ZNF414: variants seen among roughly 807,000 people sequenced by gnomAD.
The protein encoded by ZNF414 is zinc finger protein 414.
Under a neutral mutation model 38.3 loss-of-function variants are expected in ZNF414, and 32 were observed. The observed-to-expected ratio is 0.83, with a 90% CI of 0.63 to 1.12. ZNF414 has a LOEUF of 1.12. Ranked by LOEUF, ZNF414 falls within the 50% of genes most tolerant of loss-of-function variation. The pLI is 0.00. For synonymous variants in ZNF414, 256 were observed against 248.0 expected (o/e 1.03, Z -0.30); for missense variants, 589 against 557.4 (o/e 1.06, Z -0.57).
chr19:8,511,750 AG>A lies in ZNF414; in HGVS notation c.740del (p.Pro247LeufsTer11), dbSNP rs1309608681. The A allele has an allele frequency of 6.9e-7, 1 of 1,450,148 alleles. No homozygotes were observed. Among genetic ancestry groups the A allele is most frequent in the African/African-American group, 1.5e-5 (1 of 67,710 alleles). The allele number at this position is 1,450,148 out of a possible 1,614,324, so 89.8% of individuals were successfully genotyped here. ...PLLEPFTTPA[P>X]APTGPFLPYL... ...AGGGCAGGAACGGTCCGGTGGGGGC[AG>A]GGGCGGGGGTCGTGAAGGGTTCCAG... On this transcript the variant is annotated frameshift_variant, in exon 5 of 8. Coordinates refer to ENST00000393927, the MANE Select transcript of ZNF414 (RefSeq NM_001146175.2). LOFTEE classifies it high-confidence loss of function.
Position 8,512,649 on chromosome 19 carries a change from C to T in ZNF414, c.379G>A (p.Ala127Thr). Residue 127 changes from alanine (A) to threonine (T), a missense_variant, in exon 3 of 8, where the codon GCA becomes ACA. Coordinates refer to ENST00000393927, the MANE Select transcript of ZNF414 (RefSeq NM_001146175.2). Reference protein sequence around the residue: ...CLSFPSVRDLAQHLRTHCPPT... With the variant: ...CLSFPSVRDLTQHLRTHCPPT... ...GGGCAGTGGGTTCGCAGATGCTGTG[C>T]CAGGTCACGGACGCTGGGAAAACTG... The T allele has an allele frequency of 6.3e-7, 1 of 1,592,044 alleles. No individual in the cohort carries two copies. The highest frequency in any genetic ancestry group is 1.3e-5 in the African/African-American group (1 of 74,794).
chr19:8,511,757 G>T lies in ZNF414; in HGVS notation c.734C>A (p.Pro245His). 1 of 1,447,818 alleles carries T rather than the reference G, an allele frequency of 6.9e-7. No homozygotes were observed. Among genetic ancestry groups the T allele is most frequent in the Non-Finnish European group, 9.0e-7 (1 of 1,108,810 alleles). 89.7% of individuals were successfully genotyped at this position (1,447,818 alleles called of 1,614,324 possible). A position where few individuals can be genotyped will look rare whatever the true frequency, so the allele number is the denominator to read the frequency against. ...GAACGGTCCGGTGGGGGCAGGGGCGGGGGTCGTGAAGGGTTCCAGCAGCGG... is the reference window on the plus strand; with the variant it reads ...GAACGGTCCGGTGGGGGCAGGGGCGTGGGTCGTGAAGGGTTCCAGCAGCGG... ...PFPLLEPFTTPAPAPTGPFLP... is the reference protein window; with the variant it reads ...PFPLLEPFTTHAPAPTGPFLP... Residue 245 changes from proline to histidine, a missense_variant, in exon 5 of 8, where the codon CCC becomes CAC. Physicochemically the swap from Pro to His is moderately conservative, Grantham distance 77. Coordinates refer to ENST00000393927, the MANE Select transcript of ZNF414 (RefSeq NM_001146175.2).
intron 4 of ZNF414, 145 bp from the exon 5 acceptor site, chr19:8,512,105 C>T: frequency 7.1e-7 from 1 of 1,417,890 alleles, no homozygotes; most frequent in Non-Finnish European, 9.2e-7. Context: ...GTGGCAGCGA[C>T]CCTTCCTGAC....
At position 8,512,701 on chromosome 19, in the gene ZNF414, G is replaced by C; in HGVS notation, c.327C>G (p.Ile109Met). The change falls in exon 3 of 8, where the codon ATC becomes ATG. Residue 109 changes from isoleucine to methionine, a missense_variant. Ile to Met is a conservative substitution (Grantham distance 10). Coordinates refer to ENST00000393927, the MANE Select transcript of ZNF414 (RefSeq NM_001146175.2). ...PRRRPPPGKQIPCSSPGCCLS... is the reference protein window; with the variant it reads ...PRRRPPPGKQMPCSSPGCCLS... ...GGCAGCAGCCAGGGCTGGAGCAAGG[G>C]ATTTGCTTCCCTGCAGGACGCACAG... 6.5e-7 allele frequency: 1 copy of C among 1,540,866 alleles called. No individual in the cohort carries two copies. The highest frequency in any genetic ancestry group is 8.7e-7 in the Non-Finnish European group (1 of 1,144,806).
Position 8,511,690 on chromosome 19 carries a change from C to CG in ZNF414, c.800dup (p.Arg268AlafsTer159), listed in dbSNP as rs1230465112. The CG allele has an allele frequency of 2.7e-6, 4 of 1,491,414 alleles. No homozygotes were observed. Among genetic ancestry groups the CG allele is most frequent in the Admixed American group, 2.5e-5 (1 of 39,488 alleles). The allele number at this position is 1,491,414 out of a possible 1,614,324, so 92.4% of individuals were successfully genotyped here. A position where few individuals can be genotyped will look rare whatever the true frequency, so the allele number is the denominator to read the frequency against. ...CAGCGGCCAGGAAGGGGCGCAGGCG[C>CG]GGGGGGCTTAGGCCAAAGGGCGCAG... On this transcript the variant is annotated frameshift_variant, in exon 5 of 8. Transcript: ENST00000393927. LOFTEE classifies it high-confidence loss of function.
chr19:8,511,781 G>T lies in ZNF414; in HGVS notation c.710C>A (p.Pro237Gln), dbSNP rs1482992725. ...GGGGGTCGTGAAGGGTTCCAGCAGCGGGAACGGCAGGCCCGGCGCTGATGC... is the reference window on the plus strand; with the variant it reads ...GGGGGTCGTGAAGGGTTCCAGCAGCTGGAACGGCAGGCCCGGCGCTGATGC... Reference protein sequence around the residue: ...DPASAPGLPFPLLEPFTTPAP... With the variant: ...DPASAPGLPFQLLEPFTTPAP... Residue 237 changes from proline (P) to glutamine (Q), a missense_variant, in exon 5 of 8, where the codon CCG (proline) becomes CAG (glutamine). By Grantham distance (76) the Pro-to-Gln change is moderately conservative (BLOSUM62 -1). Coordinates refer to ENST00000393927, the MANE Select transcript of ZNF414 (RefSeq NM_001146175.2). 1 of 1,421,616 alleles carries T rather than the reference G, an allele frequency of 7.0e-7. No homozygotes were observed. The highest frequency in any genetic ancestry group is 2.7e-5 in the East Asian group (1 of 36,622). 88.1% of individuals were successfully genotyped at this position (1,421,616 alleles called of 1,614,324 possible).
chr19:8,513,290 T>G lies in ZNF414; in HGVS notation c.55A>C (p.Ser19Arg), dbSNP rs774305546. Residue 19 changes from serine (S) to arginine (R), a missense_variant, in exon 2 of 8, where the codon AGC becomes CGC. By Grantham distance (110) the Ser-to-Arg change is moderately radical. Coordinates refer to ENST00000393927, the MANE Select transcript of ZNF414 (RefSeq NM_001146175.2). ...IPDMLATAEP[S>R]SSETDKEVLS... ...ACCTCCTTGTCGGTCTCACTGGAGC[T>G]GGGCTCTGCAGTGGCCAGCATGTCT... 6.3e-7 allele frequency: 1 copy of G among 1,597,008 alleles called. No individual in the cohort carries two copies. The highest frequency in any genetic ancestry group is 1.7e-5 in the Admixed American group (1 of 59,626).
chr19:8,510,784 G>C lies in ZNF414; in HGVS notation c.1100-20C>G. 6.5e-7 allele frequency: 1 copy of C among 1,536,706 alleles called. No homozygotes were observed. The highest frequency in any genetic ancestry group is 8.8e-7 in the Non-Finnish European group (1 of 1,138,496). ...CCGGATCTGGGTGGGGCAGAGGAGGGGGGCGCCTGAGCCTCAGCGCCTTGG... is the reference window on the plus strand; with the variant it reads ...CCGGATCTGGGTGGGGCAGAGGAGGCGGGCGCCTGAGCCTCAGCGCCTTGG... On this transcript the variant is annotated intron_variant, in intron 7 of 7. Coordinates refer to ENST00000393927, the MANE Select transcript of ZNF414 (RefSeq NM_001146175.2).
rs1160289982 is a variant in ZNF414, at chr19:8,513,078, G to A, written c.267C>T (p.Val89=). ...PGPSPGLTSI[V]SGTSEDLRPP... is the part of the protein sequence containing the mutation. ...GCCGCAGGTCCTCGCTGGTCCCGGA[G>A]ACTATGCTGGTCAGGCCAGGGCTGG... The change falls in exon 2 of 8, where the codon GTC becomes GTT. Residue 89 remains valine, a synonymous_variant. Transcript: ENST00000393927. The A allele has an allele frequency of 2.7e-6, 4 of 1,506,794 alleles. No individual in the cohort carries two copies. The highest frequency in any genetic ancestry group is 3.5e-6 in the Non-Finnish European group (4 of 1,130,266). 93.3% of individuals were successfully genotyped at this position (1,506,794 alleles called of 1,614,324 possible). A position where few individuals can be genotyped will look rare whatever the true frequency, so the allele number is the denominator to read the frequency against.
intron 4 of ZNF414, 23 bp from the exon 5 acceptor site, chr19:8,511,983 G>C (rs1001918505): frequency 2.0e-5 from 28 of 1,406,966 alleles, no homozygotes; most frequent in Non-Finnish European, 2.6e-5. Context: ...AGAGGGCTGG[G>C]CTGGGCTGGG....
chr19:8,510,553 A>G lies in ZNF414; in HGVS notation c.*138T>C. The G allele has an allele frequency of 9.9e-7, 1 of 1,012,550 alleles. No individual in the cohort carries two copies. Among genetic ancestry groups the G allele is most frequent in the Non-Finnish European group, 1.4e-6 (1 of 716,666 alleles). 62.7% of individuals were successfully genotyped at this position (1,012,550 alleles called of 1,614,324 possible). A position where few individuals can be genotyped will look rare whatever the true frequency, so the allele number is the denominator to read the frequency against. ...TGGGCTCGAGCCCACTATGCTTTGGATGGACAAGGGATGGGAACACAGCAT... is the reference window on the plus strand; with the variant it reads ...TGGGCTCGAGCCCACTATGCTTTGGGTGGACAAGGGATGGGAACACAGCAT... On this transcript the variant is annotated 3_prime_UTR_variant, in exon 8 of 8. Transcript: ENST00000393927.
intron 1 of ZNF414, 141 bp from the exon 2 acceptor site, chr19:8,513,482 G>T: frequency 2.5e-6 from 2 of 806,022 alleles, no homozygotes; most frequent in Admixed American, 3.4e-5. Flanking sequence ...TTATAAAGAT[G>T]GGGTCTCGCC....
rs1348623702 is a variant in ZNF414, at chr19:8,509,737, G to A, written c.*954C>T. 1 of 151,968 alleles carries A rather than the reference G, an allele frequency of 6.6e-6. No homozygotes were observed. Among genetic ancestry groups the A allele is most frequent in the African/African-American group, 2.4e-5 (1 of 41,378 alleles). The allele number at this position is 151,968 out of a possible 1,614,324, so 9.4% of individuals were successfully genotyped here. A position where few individuals can be genotyped will look rare whatever the true frequency, so the allele number is the denominator to read the frequency against. On this transcript the variant is annotated 3_prime_UTR_variant, in exon 8 of 8. Coordinates refer to ENST00000393927, the MANE Select transcript of ZNF414 (RefSeq NM_001146175.2). ...TTCCACTCGTATTGCCCAGACTGGAGTGCAATAGCACAATCTCAGCTCACT... is the reference window on the plus strand; with the variant it reads ...TTCCACTCGTATTGCCCAGACTGGAATGCAATAGCACAATCTCAGCTCACT...
intron 1 of ZNF414, 49 bp from the exon 2 acceptor site, chr19:8,513,390 C>T: frequency 6.7e-7 from 1 of 1,500,062 alleles, no homozygotes; most frequent in Non-Finnish European, 8.8e-7. Flanking sequence ...CTGGGTCAAC[C>T]CAGTCGGCCC....
chr19:8,511,576 G>C lies in ZNF414; in HGVS notation c.875-40C>G, dbSNP rs368654982. The C allele has an allele frequency of 3.7e-3, 5,706 of 1,544,336 alleles. 14 individuals are homozygous for C. Among genetic ancestry groups the C allele is most frequent in the Non-Finnish European group, 4.7e-3 (5,361 of 1,146,424 alleles). The stretch of plus-strand genomic sequence containing the variant: ...CGGGTCAAGTTCAGAGTCAGGGCGA[G>C]CCCAGCCAGCCCTCCTGGAGGCCCC... On this transcript the variant is annotated intron_variant, in intron 5 of 7. Transcript: ENST00000393927.
In ZNF414 at chr19:8,513,232, G is replaced by A. The variant is rs761950070; in HGVS notation, c.113C>T (p.Ser38Phe). The A allele has an allele frequency of 3.8e-6, 6 of 1,585,206 alleles. No homozygotes were observed. The highest frequency in any genetic ancestry group is 2.7e-5 in the African/African-American group (2 of 74,610). The change falls in exon 2 of 8, where the codon TCC becomes TTC. Residue 38 changes from serine (S) to phenylalanine (F), a missense_variant. Physicochemically the swap from Ser to Phe is radical, Grantham distance 155 (BLOSUM62 -2). Transcript: ENST00000393927. ...LSPAVPAAAP[S>F]SSMSEEPGPE... ...GCCTGGCTCCTCCGACATGGAGGAG[G>A]AAGGGGCTGCAGCTGGCACAGCCGG...
intron 6 of ZNF414, 165 bp from the exon 7 acceptor site, chr19:8,511,189 G>A: frequency 7.6e-7 from 1 of 1,312,210 alleles, no homozygotes; most frequent in Non-Finnish European, 9.7e-7. Context: ...CCCTAGAGTT[G>A]GGGGCACCCA....
chr19:8,512,732 T>C (rs543911839), intron 2 of ZNF414, 21 bp from the exon 3 acceptor site: 3 of 1,479,780 alleles, frequency 2.0e-6, no homozygotes, highest in African/African-American at 1.4e-5. Flanking sequence ...CACAGAACAG[T>C]GGTCACTGGT....
Position 8,510,656 on chromosome 19 carries a change from C to A in ZNF414, c.*35G>T. 6.5e-7 allele frequency: 1 copy of A among 1,531,056 alleles called. No individual in the cohort carries two copies. The highest frequency in any genetic ancestry group is 1.4e-5 in the African/African-American group (1 of 72,424). 94.8% of individuals were successfully genotyped at this position (1,531,056 alleles called of 1,614,324 possible). ...AGCCCCCTCCAAATGACAAAACTAC[C>A]CACATCCCATGGCCCACCCCCAAAG... On this transcript the variant is annotated 3_prime_UTR_variant, in exon 8 of 8. Transcript: ENST00000393927.
Sources: gnomAD v4.1 joint callset for allele counts on GRCh38, gnomAD v4.1.1 for gene constraint, MANE v1.5 for transcripts, NCBI Gene and HGNC (gene_info 2026-07-23, HGNC 2026-07-21) for gene names.